Variants in SSBP3 observed in about 807,000 individuals in gnomAD.
SSBP3 encodes the protein single stranded DNA binding protein 3.
SSBP3 carries 5 observed loss-of-function variants against 69.6 expected under a neutral mutation model. The ratio of observed to expected loss-of-function variants is 0.07; its 90% CI spans 0.04 to 0.15. The LOEUF (loss-of-function observed/expected upper bound fraction) is 0.15. Ranked by LOEUF, SSBP3 falls within the 10% of genes least tolerant of loss-of-function variation. The probability of loss-of-function intolerance (pLI) is 1.00; values close to 1 mark genes in which losing one functional copy is unlikely to be tolerated. For missense variants in SSBP3, 312 were observed against 534.0 expected (o/e 0.58, Z 4.10); for synonymous variants, 196 against 193.4 (o/e 1.01, Z -0.11).
rs1275898729 is a variant in SSBP3, at chr1:54,251,610, G to A, written c.651+6C>T. ...GGAGACGGACGGACAGACAGGCGGT[G>A]GTTACCTGTGGGCCGGGACCCATGG... On this transcript the variant is annotated splice_donor_region_variant and intron_variant, in intron 9 of 17. Transcript: ENST00000610401. 2 of 1,551,384 alleles carry A rather than the reference G, an allele frequency of 1.3e-6. No homozygotes were observed. The highest frequency in any genetic ancestry group is 2.4e-5 in the South Asian group (2 of 84,058).
chr1:54,357,256 G>A (rs1557560762), intron 4 of SSBP3, among the ~76,000 whole-genome samples: 1 of 152,154 alleles, frequency 6.6e-6, no homozygotes, highest in Non-Finnish European at 1.5e-5. Flanking sequence ...AATCGTGACT[G>A]CCTAACACAG....
chr1:54,233,192 C>T (rs1346082951), intron 14 of SSBP3, among the ~76,000 whole-genome samples: 1 of 151,392 alleles, frequency 6.6e-6, no homozygotes, highest in African/African-American at 2.4e-5. Flanking sequence ...TCTGCCCGGC[C>T]ACCCATCGTC....
At chr1:54,304,083 T>C (rs17392923) in intron 4 of SSBP3, among the ~76,000 whole-genome samples, 26,003 of 151,968 alleles carry the variant, frequency 0.17, 2,592 homozygotes, top group South Asian at 0.3. Context: ...AAGGGGAAAC[T>C]TGAACCAAGA....
At chr1:54,310,881 G>A (rs1291159005) in intron 4 of SSBP3, among the ~76,000 whole-genome samples, 2 of 152,246 alleles carry the variant, frequency 1.3e-5, no homozygotes, top group Non-Finnish European at 2.9e-5. Context: ...CTGACTCACT[G>A]GGAGCATGCA....
At chr1:54,358,790 C>T (rs748499169) in intron 4 of SSBP3, among the ~76,000 whole-genome samples, 1 of 152,180 alleles carries the variant, frequency 6.6e-6, no homozygotes, top group Non-Finnish European at 1.5e-5. Context: ...AAATTCCGCC[C>T]ACAGCTCTGA....
intron 4 of SSBP3, among the ~76,000 whole-genome samples, chr1:54,366,229 T>C (rs907753350): frequency 6.6e-6 from 1 of 152,168 alleles, no homozygotes; most frequent in Non-Finnish European, 1.5e-5. Context: ...TCATCATTGT[T>C]GCCCACACGA....
chr1:54,334,854 G>C (rs996294004), intron 4 of SSBP3, among the ~76,000 whole-genome samples: 1 of 152,182 alleles, frequency 6.6e-6, no homozygotes, highest in African/African-American at 2.4e-5. Flanking sequence ...CCGTTCAAAT[G>C]AATCTTCTTC....
At chr1:54,395,628 C>CTA (rs1648809954) in intron 4 of SSBP3, among the ~76,000 whole-genome samples, 1 of 152,136 alleles carries the variant, frequency 6.6e-6, no homozygotes, top group Non-Finnish European at 1.5e-5. Context: ...GATGACTGTA[C>CTA]TATATTACTT....
At chr1:54,396,900 T>G (rs1648928736) in intron 4 of SSBP3, among the ~76,000 whole-genome samples, 1 of 152,148 alleles carries the variant, frequency 6.6e-6, no homozygotes. Context: ...GCTGCACTGC[T>G]CGGGTGCTGG....
At chr1:54,263,699 C>T (rs1186006062) in intron 5 of SSBP3, among the ~76,000 whole-genome samples, 1 of 152,240 alleles carries the variant, frequency 6.6e-6, no homozygotes, top group Non-Finnish European at 1.5e-5. Context: ...CCTTTCCTTA[C>T]TCCATGTCTG....
intron 4 of SSBP3, among the ~76,000 whole-genome samples, chr1:54,362,063 T>C (rs911958829): frequency 1.3e-5 from 2 of 152,222 alleles, no homozygotes; most frequent in African/African-American, 4.8e-5. Flanking sequence ...AATTTGTATC[T>C]TTTCATTCCC....
chr1:54,398,621 T>C (rs143786316), intron 4 of SSBP3, among the ~76,000 whole-genome samples: 1 of 152,202 alleles, frequency 6.6e-6, no homozygotes. Context: ...CCCAAAGAGA[T>C]GCCCCAATGG....
intron 1 of SSBP3, 22 bp downstream of exon 1, chr1:54,405,931 C>T (rs1649719323): frequency 7.5e-7 from 1 of 1,329,730 alleles, no homozygotes; most frequent in South Asian, 1.6e-5. Flanking sequence ...GGCGCGGCCG[C>T]CACTTGCAAA....
intron 4 of SSBP3, among the ~76,000 whole-genome samples, chr1:54,298,930 AACACACAC>A (rs10525954): frequency 1.5e-5 from 2 of 137,276 alleles, no homozygotes; most frequent in East Asian, 4.8e-4. Context: ...ACAAAAACAA[AACACACAC>A]ACACACACAC....
At chr1:54,313,726 C>T (rs1646047668) in intron 4 of SSBP3, among the ~76,000 whole-genome samples, 1 of 151,958 alleles carries the variant, frequency 6.6e-6, no homozygotes, top group Admixed American at 6.5e-5. Flanking sequence ...CTAAGCTTTC[C>T]CAAATATTAG....
intron 14 of SSBP3, chr1:54,238,839 G>A: frequency 4.9e-6 from 2 of 405,250 alleles, no homozygotes; most frequent in South Asian, 4.4e-5. Context: ...CCTACAGCAT[G>A]GCGCTTCCCC....
At chr1:54,318,939 G>A (rs1052386698) in intron 4 of SSBP3, among the ~76,000 whole-genome samples, 2 of 152,098 alleles carry the variant, frequency 1.3e-5, no homozygotes, top group African/African-American at 2.4e-5. Context: ...TCTATCCCCC[G>A]CAGCAACCCA....
intron 4 of SSBP3, among the ~76,000 whole-genome samples, chr1:54,394,526 C>T (rs1557590184): frequency 1.3e-5 from 2 of 151,994 alleles, no homozygotes. Flanking sequence ...TTGGTAACCT[C>T]AAAATACGGT....
At chr1:54,276,915 G>A (rs536904248) in intron 5 of SSBP3, among the ~76,000 whole-genome samples, 127 of 152,206 alleles carry the variant, frequency 8.3e-4, no homozygotes, top group Non-Finnish European at 1.1e-3. Flanking sequence ...CTGCCTCCAG[G>A]AATGCCCTCC....
Sources: allele counts gnomAD v4.1 joint callset (sites outside exome capture counted in the v4.1 genomes callset), GRCh38; gene constraint gnomAD v4.1.1; transcripts MANE v1.5; gene names NCBI Gene and HGNC (gene_info 2026-07-23, HGNC 2026-07-21).